SLCO5A1: variants seen among roughly 807,000 people sequenced by gnomAD.
SLCO5A1 encodes solute carrier organic anion transporter family member 5A1, also known as organic anion transporter polypeptide-related protein 4.
SLCO5A1 carries 39 observed loss-of-function variants against 65.1 expected under a neutral mutation model. That is an observed-to-expected ratio of 0.60 (90% CI 0.46 to 0.78). The LOEUF (loss-of-function observed/expected upper bound fraction) is 0.78, where lower values mean the gene tolerates loss of function less well. Among genes scored for constraint, SLCO5A1 ranks in the 30% least tolerant of loss-of-function variants. SLCO5A1 has a pLI of 0.00. For missense variants in SLCO5A1, 1,029 were observed against 1,069.4 expected (o/e 0.96, Z 0.53); for synonymous variants, 438 against 415.7 (o/e 1.05, Z -0.65).
At chr8:69,745,433 G>A (rs146100208) in intron 4 of SLCO5A1, among the ~76,000 whole-genome samples, 3,136 of 152,014 alleles carry the variant, frequency 0.021, 63 homozygotes, top group Non-Finnish European at 0.026. Context: ...AATTTAAACT[G>A]GGGGTGGGAT....
chr8:69,799,964 C>G (rs1463059768), intron 2 of SLCO5A1, among the ~76,000 whole-genome samples: 1 of 152,016 alleles, frequency 6.6e-6, no homozygotes, highest in Non-Finnish European at 1.5e-5. Context: ...TTTTATTTTT[C>G]AAATTAGATA....
chr8:69,705,040 T>C lies in SLCO5A1; in HGVS notation c.1613A>G (p.Tyr538Cys). 1 of 1,611,848 alleles carries C rather than the reference T, an allele frequency of 6.2e-7. No homozygotes were observed. Among genetic ancestry groups the C allele is most frequent in the Non-Finnish European group, 8.5e-7 (1 of 1,179,932 alleles). The stretch of plus-strand genomic sequence containing the variant: ...CTTAAGAGGTACTTACCCTGTTGTA[T>C]AAGGGATGTTTATGCCCCCTAGATT... Reference protein sequence around the residue: ...SINLGGINIPYTTGPSLTMPH... With the variant: ...SINLGGINIPCTTGPSLTMPH... The change falls in exon 6 of 10, where the codon TAT becomes TGT. Residue 538 changes from tyrosine (Y) to cysteine (C), a missense_variant. Physicochemically the swap from Tyr to Cys is radical, Grantham distance 194. Coordinates refer to ENST00000260126, the MANE Select transcript of SLCO5A1 (RefSeq NM_030958.3).
At chr8:69,801,811 C>T (rs2130903654) in intron 2 of SLCO5A1, among the ~76,000 whole-genome samples, 1 of 152,304 alleles carries the variant, frequency 6.6e-6, no homozygotes, top group Non-Finnish European at 1.5e-5. Context: ...AGTGCAATCT[C>T]TCATTTTGGC....
chr8:69,765,276 G>A (rs994618084), intron 2 of SLCO5A1, among the ~76,000 whole-genome samples: 20 of 151,808 alleles, frequency 1.3e-4, no homozygotes, highest in Non-Finnish European at 2.1e-4. Context: ...ATGTGTATAT[G>A]TGTATATATT....
chr8:69,805,008 C>G (rs1190682120), intron 2 of SLCO5A1, among the ~76,000 whole-genome samples: 1 of 152,074 alleles, frequency 6.6e-6, no homozygotes, highest in African/African-American at 2.4e-5. Flanking sequence ...TTAACTCCTT[C>G]CTCTTATCAG....
chr8:69,705,240 G>T lies in SLCO5A1; in HGVS notation c.1424-11C>A. On this transcript the variant is annotated splice_polypyrimidine_tract_variant and intron_variant, in intron 5 of 9. Coordinates refer to ENST00000260126, the MANE Select transcript of SLCO5A1 (RefSeq NM_030958.3). ...GGACGATAATAACCCCTGGGGAGAA[G>T]AGAAGGAGAGGATTAATTTGAACTC... 6.2e-7 allele frequency: 1 copy of T among 1,611,712 alleles called. No individual in the cohort carries two copies. The highest frequency in any genetic ancestry group is 8.5e-7 in the Non-Finnish European group (1 of 1,177,976).
At chr8:69,729,446 CAAAAAAAAAAAA>C (rs56392223) in intron 5 of SLCO5A1, among the ~76,000 whole-genome samples, 13 of 80,526 alleles carry the variant, frequency 1.6e-4, no homozygotes, top group African/African-American at 5.1e-4. Context: ...TCCGTCCCAA[CAAAAAAAAAAAA>C]AAAAAAAAAA....
chr8:69,793,735 C>T (rs1819366116), intron 2 of SLCO5A1, among the ~76,000 whole-genome samples: 2 of 151,482 alleles, frequency 1.3e-5, no homozygotes, highest in Non-Finnish European at 2.9e-5. Context: ...CTGAGATTGC[C>T]CTGCTGCACT....
chr8:69,713,735 C>T (rs1469472300), intron 5 of SLCO5A1: 1 of 152,132 alleles, frequency 6.6e-6, no homozygotes, highest in African/African-American at 2.4e-5. Flanking sequence ...AAAAGTGTGA[C>T]AGATTGGAAG....
intron 2 of SLCO5A1, among the ~76,000 whole-genome samples, chr8:69,783,458 G>A (rs1001515643): frequency 2.0e-5 from 3 of 151,620 alleles, no homozygotes; most frequent in Admixed American, 2.0e-4. Context: ...CTGTACCTAC[G>A]AAAAATTTTT....
At chr8:69,703,845 G>A (rs373175674) in intron 6 of SLCO5A1, among the ~76,000 whole-genome samples, 5 of 152,232 alleles carry the variant, frequency 3.3e-5, no homozygotes, top group South Asian at 4.1e-4. Flanking sequence ...TAATAAATAC[G>A]TAAAACTCAT....
intron 5 of SLCO5A1, among the ~76,000 whole-genome samples, chr8:69,716,057 C>G (rs1425796585): frequency 6.6e-6 from 1 of 152,096 alleles, no homozygotes; most frequent in African/African-American, 2.4e-5. Context: ...TGTTTGAGAC[C>G]TTTCATATAA....
chr8:69,751,029 T>C (rs1208193985), intron 4 of SLCO5A1, among the ~76,000 whole-genome samples: 4 of 152,240 alleles, frequency 2.6e-5, no homozygotes, highest in Non-Finnish European at 5.9e-5. Flanking sequence ...TTAGTTAGGA[T>C]TTTAAATATA....
intron 5 of SLCO5A1, among the ~76,000 whole-genome samples, chr8:69,722,778 T>G (rs973582536): frequency 2.2e-5 from 3 of 137,642 alleles, no homozygotes; most frequent in South Asian, 2.3e-4. Context: ...ACATGCATGG[T>G]GTGTGTGTGT....
chr8:69,735,336 A>T (rs1320491607), intron 5 of SLCO5A1, among the ~76,000 whole-genome samples: 1 of 152,232 alleles, frequency 6.6e-6, no homozygotes, highest in African/African-American at 2.4e-5. Flanking sequence ...ACCCAAAGGA[A>T]TATAAATAAT....
chr8:69,820,445 T>C (rs528219610), intron 2 of SLCO5A1, among the ~76,000 whole-genome samples: 1 of 152,326 alleles, frequency 6.6e-6, no homozygotes, highest in South Asian at 2.1e-4. Flanking sequence ...AAGATACATA[T>C]ATGTATCTTT....
rs1429850130 is a variant in SLCO5A1, at chr8:69,670,595, A to G, written c.*2274T>C. The G allele has an allele frequency of 1.3e-5, 2 of 152,232 alleles. No homozygotes were observed. Among genetic ancestry groups the G allele is most frequent in the African/African-American group, 4.8e-5 (2 of 41,454 alleles). The allele number at this position is 152,232 out of a possible 1,614,324, so 9.4% of individuals were successfully genotyped here. On this transcript the variant is annotated 3_prime_UTR_variant, in exon 10 of 10. Transcript: ENST00000260126. ...TTGAGTTCTGGCCCAATCATCCCAAAGGATTTTATGGAGTGGCAGATGGTA... is the reference window on the plus strand; with the variant it reads ...TTGAGTTCTGGCCCAATCATCCCAAGGGATTTTATGGAGTGGCAGATGGTA...
intron 5 of SLCO5A1, among the ~76,000 whole-genome samples, chr8:69,723,568 C>G (rs944459218): frequency 1.3e-5 from 2 of 151,888 alleles, no homozygotes; most frequent in African/African-American, 4.8e-5. Flanking sequence ...ACATCTTTCT[C>G]AAAATCAAAA....
At chr8:69,780,033 A>G (rs1479744050) in intron 2 of SLCO5A1, among the ~76,000 whole-genome samples, 1 of 150,114 alleles carries the variant, frequency 6.7e-6, no homozygotes, top group Non-Finnish European at 1.5e-5. Context: ...TAAATGGCCT[A>G]CAGGCATATG....
Sources: allele counts gnomAD v4.1 joint callset (sites outside exome capture counted in the v4.1 genomes callset), GRCh38; gene constraint gnomAD v4.1.1; transcripts MANE v1.5; gene names NCBI Gene and HGNC (gene_info 2026-07-23, HGNC 2026-07-21).